The following EGLN1 variants were observed in gnomAD, a reference collection of about 807,000 sequenced individuals.
EGLN1 encodes egl nine homolog 1.
Under a neutral mutation model 38.3 loss-of-function variants are expected in EGLN1, and 17 were observed. That is an observed-to-expected ratio of 0.44 (90% CI 0.30 to 0.67). The LOEUF is 0.67. Among genes scored for constraint, EGLN1 ranks in the 30% least tolerant of loss-of-function variants. EGLN1 has a pLI of 0.08. For synonymous variants in EGLN1, 283 were observed against 257.5 expected (o/e 1.10, Z -0.95); for missense variants, 477 against 603.3 (o/e 0.79, Z 2.19).
At chr1:231,387,602 G>C (rs1688254972) in intron 1 of EGLN1, among the ~76,000 whole-genome samples, 1 of 151,958 alleles carries the variant, frequency 6.6e-6, no homozygotes, top group South Asian at 2.1e-4. Context: ...CTCATGATCT[G>C]CCCGCCTCGG....
intron 1 of EGLN1, among the ~76,000 whole-genome samples, chr1:231,391,068 C>T (rs990464286): frequency 4.2e-5 from 2 of 47,506 alleles, no homozygotes; most frequent in Non-Finnish European, 1.3e-4. Flanking sequence ...GTGTGTGAGA[C>T]AGGGAACTCA....
Position 231,367,659 on chromosome 1 carries a change from A to G in EGLN1, c.1149-23T>C, listed in dbSNP as rs370725117. 13 of 1,606,108 alleles carry G rather than the reference A, an allele frequency of 8.1e-6. No homozygotes were observed. The African/African-American group carries it at 1.2e-4, about 15-fold the overall frequency. On this transcript the variant is annotated intron_variant, in intron 3 of 4. Coordinates refer to ENST00000366641, the MANE Select transcript of EGLN1 (RefSeq NM_022051.3). Reference sequence around the variant, plus strand: ...TACCTAAAAGAAAATTTAGAATAGGATAAGAATGATCACACTGCGGGGAAA... The same window carrying G: ...TACCTAAAAGAAAATTTAGAATAGGGTAAGAATGATCACACTGCGGGGAAA...
chr1:231,407,240 T>C (rs1334547939), intron 1 of EGLN1, among the ~76,000 whole-genome samples: 1 of 152,194 alleles, frequency 6.6e-6, no homozygotes, highest in Non-Finnish European at 1.5e-5. Flanking sequence ...AAGCAACTGC[T>C]TCTCCCACGT....
At chr1:231,418,964 G>T (rs1032189651) in intron 1 of EGLN1, among the ~76,000 whole-genome samples, 34 of 151,956 alleles carry the variant, frequency 2.2e-4, no homozygotes, top group Admixed American at 2.0e-3. Context: ...TGGTTATTTT[G>T]ATTGCCTTCT....
rs2102948503 is a variant in EGLN1, at chr1:231,421,900, C to G, written c.-12G>C. ...CTGTCATTGGCCATGGCGGCGGCGG[C>G]GGCGGCGACGGCGACTGCGGCGGCC... On this transcript the variant is annotated 5_prime_UTR_variant, in exon 1 of 5. Coordinates refer to ENST00000366641, the MANE Select transcript of EGLN1 (RefSeq NM_022051.3). The surrounding 1 kb of genome is among the most constrained non-coding windows in gnomAD (Gnocchi z 5.5). The G allele has an allele frequency of 7.1e-7, 1 of 1,400,306 alleles. No homozygotes were observed. Among genetic ancestry groups the G allele is most frequent in the Non-Finnish European group, 9.2e-7 (1 of 1,087,184 alleles). 86.7% of individuals were successfully genotyped at this position (1,400,306 alleles called of 1,614,324 possible). A position where few individuals can be genotyped will look rare whatever the true frequency, so the allele number is the denominator to read the frequency against.
chr1:231,389,050 C>A (rs141962843), intron 1 of EGLN1, among the ~76,000 whole-genome samples: 14 of 152,196 alleles, frequency 9.2e-5, no homozygotes, highest in African/African-American at 3.4e-4. Flanking sequence ...ACAGCTCATA[C>A]AAAGCTGGGA....
intron 3 of EGLN1, among the ~76,000 whole-genome samples, chr1:231,368,129 T>C (rs1288258945): frequency 6.6e-6 from 1 of 152,218 alleles, no homozygotes; most frequent in African/African-American, 2.4e-5. Context: ...AGGCGGAGGT[T>C]GCAGTGAGCC....
At position 231,420,990 on chromosome 1, in the gene EGLN1, A is replaced by G. The variant is rs375943131; in HGVS notation, c.891+8T>C. 1.2e-5 allele frequency: 19 copies of G among 1,613,146 alleles called. No individual in the cohort carries two copies. The highest frequency in any genetic ancestry group is 1.6e-5 in the Non-Finnish European group (19 of 1,179,896). On this transcript the variant is annotated splice_region_variant and intron_variant, in intron 1 of 4. Coordinates refer to ENST00000366641, the MANE Select transcript of EGLN1 (RefSeq NM_022051.3). ...CCTGTCCAGCACAAACCCGCAGCAC[A>G]CACTTACTTTCGTCCGGCCATTGAT...
chr1:231,419,483 C>T (rs1656490580), intron 1 of EGLN1, among the ~76,000 whole-genome samples: 1 of 152,204 alleles, frequency 6.6e-6, no homozygotes, highest in African/African-American at 2.4e-5. Flanking sequence ...GTCTTCACAG[C>T]CCTATTGTCT....
At chr1:231,392,015 C>T (rs1404100133) in intron 1 of EGLN1, among the ~76,000 whole-genome samples, 1 of 152,108 alleles carries the variant, frequency 6.6e-6, no homozygotes, top group African/African-American at 2.4e-5. Context: ...AGGCTGGGCG[C>T]GGTGGCTCAC....
At chr1:231,370,768 AAAG>A in intron 2 of EGLN1, 70 bp from the exon 3 acceptor site, 3 of 1,538,760 alleles carry the variant, frequency 1.9e-6, no homozygotes, top group Middle Eastern at 1.7e-4. Context: ...AGGGGGAAAA[AAAG>A]AGACAATTTC....
At chr1:231,391,190 A>T (rs955410144) in intron 1 of EGLN1, among the ~76,000 whole-genome samples, 1 of 40,660 alleles carries the variant, frequency 2.5e-5, no homozygotes, top group African/African-American at 4.9e-5. Context: ...GGCTCAAGTG[A>T]TCCTCCCATC....
intron 1 of EGLN1, among the ~76,000 whole-genome samples, chr1:231,381,403 A>G (rs1688075641): frequency 6.6e-6 from 1 of 152,220 alleles, no homozygotes; most frequent in Non-Finnish European, 1.5e-5. Flanking sequence ...CCATGTTCAT[A>G]GAAATATGAA....
chr1:231,386,967 C>T (rs1046160606), intron 1 of EGLN1, among the ~76,000 whole-genome samples: 1 of 152,040 alleles, frequency 6.6e-6, no homozygotes, highest in Non-Finnish European at 1.5e-5. Context: ...TGGGAGTAAT[C>T]CTCCTGCCTC....
At chr1:231,369,635 G>C in intron 3 of EGLN1, 2 of 980,288 alleles carry the variant, frequency 2.0e-6, no homozygotes, top group Non-Finnish European at 2.4e-6. Flanking sequence ...CACCTCAGAA[G>C]GCAGGAAGAA....
intron 1 of EGLN1, among the ~76,000 whole-genome samples, chr1:231,389,457 C>A (rs1688312722): frequency 6.6e-6 from 1 of 152,066 alleles, no homozygotes; most frequent in Admixed American, 6.5e-5. Flanking sequence ...ACAGCAATAT[C>A]CAGCGAGTAA....
In EGLN1 at chr1:231,379,994, G is replaced by C. The variant is rs1336164089; in HGVS notation, c.892-5895C>G. ...TCTACAAAAATCTAGTTCAAATACG[G>C]AAGAAAACAGGTCATGCTGGAAGGC... On this transcript the variant is annotated intron_variant, in intron 1 of 4. Coordinates refer to ENST00000366641, the MANE Select transcript of EGLN1 (RefSeq NM_022051.3). Among the ~76,000 whole-genome samples the C allele has an allele frequency of 2.0e-5, 3 of 152,122 alleles. 1 individual carries two copies. Among genetic ancestry groups the C allele is most frequent in the African/African-American group, 7.2e-5 (3 of 41,412 alleles).
chr1:231,417,123 T>C (rs1414314536), intron 1 of EGLN1, among the ~76,000 whole-genome samples: 1 of 152,226 alleles, frequency 6.6e-6, no homozygotes, highest in Non-Finnish European at 1.5e-5. Flanking sequence ...TTTTAACATC[T>C]AAGAGGATTG....
intron 1 of EGLN1, among the ~76,000 whole-genome samples, chr1:231,411,962 AGACCACGCCATT>A (rs1372227163): frequency 2.2e-5 from 3 of 136,476 alleles, no homozygotes; most frequent in Non-Finnish European, 1.5e-5. Flanking sequence ...CAGTGAACCA[AGACCACGCCATT>A]GCACTACAGC....
Sources: gnomAD v4.1 joint callset for allele counts (sites outside exome capture counted in the v4.1 genomes callset) on GRCh38, gnomAD v4.1.1 for gene constraint, Gnocchi (gnomAD v3.1) non-coding constraint, MANE v1.5 for transcripts, NCBI Gene and HGNC (gene_info 2026-07-23, HGNC 2026-07-21) for gene names.